Variants in TRIM37 observed in about 807,000 individuals in gnomAD.
The protein encoded by TRIM37 is E3 ubiquitin-protein ligase TRIM37.
In TRIM37, 80 loss-of-function variants were observed where a neutral mutation model predicts 129.8. The observed-to-expected ratio is 0.62, with a 90% CI of 0.51 to 0.74. The LOEUF (loss-of-function observed/expected upper bound fraction) is 0.74. Ranked by LOEUF, TRIM37 falls within the 30% of genes least tolerant of loss-of-function variation. The pLI, the probability that TRIM37 is intolerant of heterozygous loss-of-function variation, is 0.00. For missense variants in TRIM37, 1,054 were observed against 1,176.5 expected, an observed-to-expected ratio of 0.90 and a Z score of 1.52; for synonymous variants, 389 against 387.1, an observed-to-expected ratio of 1.00 and a Z score of -0.06.
Position 59,106,563 on chromosome 17 carries a change from C to G in TRIM37, c.-102G>C, listed in dbSNP as rs1356455093. On this transcript the variant is annotated 5_prime_UTR_variant, in exon 1 of 24. Transcript: ENST00000262294. ...GCCAGATCAAATCGCCGATAAAAGC[C>G]CGGCGCCCACGTCAGGGGGCTCTGA... The G allele has an allele frequency of 2.8e-6, 4 of 1,441,500 alleles. No individual in the cohort carries two copies. The highest frequency in any genetic ancestry group is 2.8e-5 in the African/African-American group (2 of 71,016). 89.3% of individuals were successfully genotyped at this position (1,441,500 alleles called of 1,614,324 possible).
intron 14 of TRIM37, among the ~76,000 whole-genome samples, chr17:59,050,541 T>G (rs1410807987): frequency 6.6e-6 from 1 of 151,068 alleles, no homozygotes; most frequent in African/African-American, 2.4e-5. Flanking sequence ...AAACAAAAAC[T>G]AGCCATGACA....
chr17:59,089,399 T>C (rs1371113764), intron 3 of TRIM37, among the ~76,000 whole-genome samples: 1 of 152,186 alleles, frequency 6.6e-6, no homozygotes, highest in African/African-American at 2.4e-5. Context: ...TCCCAGCAGT[T>C]TGGGAGGCCA....
At chr17:58,972,959 T>C in the TRIM37 span, 1 of 1,498,772 alleles carries the variant, frequency 6.7e-7, no homozygotes, top group Non-Finnish European at 9.3e-7. Flanking sequence ...CTCCAAACTG[T>C]CCTCTTCTAG....
intron 2 of TRIM37, among the ~76,000 whole-genome samples, chr17:59,102,777 T>C (rs1027476506): frequency 3.3e-5 from 5 of 152,236 alleles, no homozygotes; most frequent in Non-Finnish European, 5.9e-5. Flanking sequence ...GTACCATCAA[T>C]TGTGAGCTGT....
chr17:59,036,386 A>C (rs997484325), intron 17 of TRIM37, among the ~76,000 whole-genome samples: 2 of 151,946 alleles, frequency 1.3e-5, no homozygotes, highest in Non-Finnish European at 2.9e-5. Flanking sequence ...TATCATTCTA[A>C]TCCAGATTAT....
In TRIM37 at chr17:59,045,980, C is replaced by A. The variant is rs916160684; in HGVS notation, c.1667+1703G>T. Among the ~76,000 whole-genome samples the A allele has an allele frequency of 2.0e-4, 31 of 151,784 alleles. 1 individual carries two copies. Among genetic ancestry groups the A allele is most frequent in the African/African-American group, 4.8e-5 (2 of 41,268 alleles). On this transcript the variant is annotated intron_variant, in intron 16 of 23. Transcript: ENST00000262294. The stretch of plus-strand genomic sequence containing the variant: ...GCAGTGAGCCAAGATCGTGACACTG[C>A]ATGCCAGCCTGGGTGACAGAGCAAG...
At chr17:58,992,590 G>C (rs1783308206) in intron 24 of TRIM37, among the ~76,000 whole-genome samples, 1 of 152,048 alleles carries the variant, frequency 6.6e-6, no homozygotes, top group African/African-American at 2.4e-5. Context: ...ATGTTGGTCA[G>C]GCTGGTCTCG....
At chr17:59,019,750 A>T (rs543724316) in intron 19 of TRIM37, among the ~76,000 whole-genome samples, 45 of 152,146 alleles carry the variant, frequency 3.0e-4, no homozygotes, top group African/African-American at 1.0e-3. Context: ...ATAGGGAAAA[A>T]GTAGATTAGT....
intron 13 of TRIM37, among the ~76,000 whole-genome samples, chr17:59,053,411 G>A (rs998985120): frequency 1.1e-4 from 16 of 152,058 alleles, no homozygotes; most frequent in Admixed American, 1.0e-3. Flanking sequence ...ATTTACTTAC[G>A]GTGCTACTAT....
chr17:59,057,878 T>C (rs918031236), intron 12 of TRIM37, among the ~76,000 whole-genome samples: 6 of 152,136 alleles, frequency 3.9e-5, no homozygotes, highest in Non-Finnish European at 8.8e-5. Flanking sequence ...TAGGTCCTTT[T>C]TTCCTCGTAA....
At chr17:59,031,450 A>G (rs753476585) in intron 18 of TRIM37, among the ~76,000 whole-genome samples, 1 of 152,260 alleles carries the variant, frequency 6.6e-6, no homozygotes, top group East Asian at 1.9e-4. Flanking sequence ...TATTTAACAA[A>G]TAACCTTTGC....
At chr17:59,003,693 A>G (rs1418407509) in intron 22 of TRIM37, among the ~76,000 whole-genome samples, 5 of 151,914 alleles carry the variant, frequency 3.3e-5, no homozygotes, top group Admixed American at 1.3e-4. Flanking sequence ...TACAACCCCA[A>G]ATTATTCAGC....
At chr17:59,067,100 C>T (rs969239456) in intron 9 of TRIM37, among the ~76,000 whole-genome samples, 15 of 152,044 alleles carry the variant, frequency 9.9e-5, no homozygotes, top group African/African-American at 3.6e-4. Flanking sequence ...AGTGCAGTGG[C>T]GCGATCTCGG....
intron 4 of TRIM37, 83 bp from the exon 5 acceptor site, chr17:59,084,172 G>T: frequency 9.4e-7 from 1 of 1,062,256 alleles, no homozygotes; most frequent in Non-Finnish European, 1.4e-6. Flanking sequence ...TGGGCAAACA[G>T]GTCAGTTTTA....
At chr17:59,071,419 G>T (rs932691356) in intron 8 of TRIM37, among the ~76,000 whole-genome samples, 1 of 151,548 alleles carries the variant, frequency 6.6e-6, no homozygotes, top group Non-Finnish European at 1.5e-5. Context: ...CTGAATAGCT[G>T]GGATTACAGG....
intron 2 of TRIM37, among the ~76,000 whole-genome samples, chr17:59,096,874 C>T (rs977671251): frequency 4.6e-5 from 7 of 151,970 alleles, no homozygotes; most frequent in African/African-American, 1.5e-4. Flanking sequence ...CTAGGGAAAT[C>T]CTCAACAAAA....
chr17:58,992,339 AT>A (rs1448718317), intron 24 of TRIM37, among the ~76,000 whole-genome samples: 12 of 146,888 alleles, frequency 8.2e-5, no homozygotes, highest in Non-Finnish European at 1.0e-4. Context: ...ATATATATAT[AT>A]ATAAATACAG....
chr17:59,049,095 T>A, intron 15 of TRIM37, 83 bp downstream of exon 15: 2 of 1,104,786 alleles, frequency 1.8e-6, no homozygotes, highest in Non-Finnish European at 2.7e-6. Context: ...GCCTACTGTT[T>A]TAGCACATAA....
At chr17:59,014,522 A>G (rs1055730587) in intron 21 of TRIM37, among the ~76,000 whole-genome samples, 18 of 152,120 alleles carry the variant, frequency 1.2e-4, no homozygotes, top group Admixed American at 2.6e-4. Context: ...TAACTACTAT[A>G]TATCTTTTTG....
Sources: gnomAD v4.1 joint callset for allele counts (sites outside exome capture counted in the v4.1 genomes callset) on GRCh38, gnomAD v4.1.1 for gene constraint, MANE v1.5 for transcripts, NCBI Gene and HGNC (gene_info 2026-07-23, HGNC 2026-07-21) for gene names.